LRRC36: variants seen among roughly 807,000 people sequenced by gnomAD.
LRRC36 encodes leucine-rich repeat-containing protein 36.
Under a neutral mutation model 81.1 loss-of-function variants are expected in LRRC36, and 62 were observed. The observed-to-expected ratio is 0.76, with a 90% CI of 0.62 to 0.94. LRRC36 has a LOEUF of 0.94. Ranked by LOEUF, LRRC36 falls within the 40% of genes least tolerant of loss-of-function variation. The pLI is 0.00. For synonymous variants in LRRC36, 334 were observed against 348.6 expected (o/e 0.96, Z 0.47); for missense variants, 761 against 881.7 (o/e 0.86, Z 1.73).
chr16:67,362,631 C>T (rs920648818), intron 5 of LRRC36, among the ~76,000 whole-genome samples: 1 of 152,072 alleles, frequency 6.6e-6, no homozygotes, highest in Non-Finnish European at 1.5e-5. Flanking sequence ...CAAGATAAAA[C>T]AAGAATCTCT....
intron 6 of LRRC36, chr16:67,365,072 T>C (rs1018890090): frequency 4.3e-6 from 2 of 462,600 alleles, no homozygotes; most frequent in African/African-American, 4.0e-5. Context: ...GTACAGTCAT[T>C]GTTTGCTATG....
intron 12 of LRRC36, among the ~76,000 whole-genome samples, chr16:67,381,389 T>C (rs1384908002): frequency 2.0e-5 from 3 of 152,174 alleles, no homozygotes; most frequent in Non-Finnish European, 4.4e-5. Flanking sequence ...TCTACAAGTA[T>C]TAATTGAGTT....
intron 13 of LRRC36, among the ~76,000 whole-genome samples, chr16:67,382,722 G>A (rs1390805968): frequency 2.0e-5 from 3 of 152,128 alleles, no homozygotes; most frequent in South Asian, 2.1e-4. Context: ...GGTGGCTCAC[G>A]CCTGTAATCC....
intron 5 of LRRC36, among the ~76,000 whole-genome samples, chr16:67,362,715 C>T (rs1057238891): frequency 3.3e-5 from 5 of 152,014 alleles, no homozygotes; most frequent in African/African-American, 1.2e-4. Context: ...AAGGATTTAG[C>T]ATTCTTCTCC....
At chr16:67,382,475 A>AT (rs2040149457) in intron 13 of LRRC36, among the ~76,000 whole-genome samples, 1 of 152,156 alleles carries the variant, frequency 6.6e-6, no homozygotes, top group African/African-American at 2.4e-5. Context: ...CAACACCTCG[A>AT]TAATTAGCTT....
At position 67,361,635 on chromosome 16, in the gene LRRC36, C is replaced by T. The variant is rs1166813766; in HGVS notation, c.578-1955C>T. Among the ~76,000 whole-genome samples, 4 of 152,096 alleles carry T rather than the reference C, an allele frequency of 2.6e-5. No homozygotes were observed. The East Asian group carries it at 5.8e-4, about 22-fold the overall frequency. On this transcript the variant is annotated intron_variant, in intron 5 of 13. Transcript: ENST00000329956. ...TCACCCAGGCTGGAGTGCAATGGTG[C>T]GATCTCAGCTCACAGCAACCTCTGC...
At chr16:67,380,066 C>G (rs2040054284) in intron 12 of LRRC36, among the ~76,000 whole-genome samples, 1 of 151,762 alleles carries the variant, frequency 6.6e-6, no homozygotes, top group East Asian at 1.9e-4. Context: ...AGGAAAAGAC[C>G]CTAGAATCAA....
At chr16:67,374,679 AGCCACCGGGCCTGGCCTGAAAATTTC>A in intron 9 of LRRC36, among the ~76,000 whole-genome samples, 1 of 151,988 alleles carries the variant, frequency 6.6e-6, no homozygotes, top group South Asian at 2.1e-4. Flanking sequence ...TACAGGCATG[AGCCACCGGGCCTGGCCTGAAAATTTC>A]TATTAAAAAT....
At chr16:67,373,730 A>G (rs2039762663) in intron 9 of LRRC36, among the ~76,000 whole-genome samples, 1 of 135,344 alleles carries the variant, frequency 7.4e-6, no homozygotes, top group African/African-American at 3.3e-5. Flanking sequence ...AAAAAAAAAA[A>G]AGCCAGGCAC....
chr16:67,331,649 T>G (rs1460911846), intron 1 of LRRC36, among the ~76,000 whole-genome samples: 1 of 152,194 alleles, frequency 6.6e-6, no homozygotes, highest in Non-Finnish European at 1.5e-5. Context: ...TATCCTAACT[T>G]TAGTTAATAG....
chr16:67,338,054 A>G (rs751443742), intron 1 of LRRC36, among the ~76,000 whole-genome samples: 1 of 151,910 alleles, frequency 6.6e-6, no homozygotes, highest in East Asian at 1.9e-4. Context: ...ATTGCAGTCC[A>G]GCCTGGGAAA....
At chr16:67,345,541 A>G (rs1175882096) in intron 2 of LRRC36, among the ~76,000 whole-genome samples, 2 of 152,106 alleles carry the variant, frequency 1.3e-5, no homozygotes, top group African/African-American at 4.8e-5. Context: ...AATCCACAAG[A>G]AAGAGAACTG....
At chr16:67,337,693 T>C (rs1443079969) in intron 1 of LRRC36, among the ~76,000 whole-genome samples, 1 of 152,162 alleles carries the variant, frequency 6.6e-6, no homozygotes, top group African/African-American at 2.4e-5. Flanking sequence ...CTGTCTTCTC[T>C]GTATTCAATT....
At chr16:67,332,330 A>G (rs1231269619) in intron 1 of LRRC36, among the ~76,000 whole-genome samples, 1 of 152,062 alleles carries the variant, frequency 6.6e-6, no homozygotes, top group Non-Finnish European at 1.5e-5. Context: ...GAGGAGGGCG[A>G]ATCACGAGGT....
intron 1 of LRRC36, among the ~76,000 whole-genome samples, chr16:67,327,880 T>C (rs1204228678): frequency 1.3e-5 from 2 of 152,136 alleles, no homozygotes; most frequent in Non-Finnish European, 2.9e-5. Context: ...CTGTTAGATT[T>C]AGCAACATGG....
chr16:67,329,864 G>A (rs903046177), intron 1 of LRRC36, among the ~76,000 whole-genome samples: 8 of 152,136 alleles, frequency 5.3e-5, no homozygotes, highest in Admixed American at 3.9e-4. Context: ...GTTGTAGTGA[G>A]CTGAGATCGC....
At chr16:67,338,608 A>G (rs1225855379) in intron 1 of LRRC36, among the ~76,000 whole-genome samples, 2 of 152,188 alleles carry the variant, frequency 1.3e-5, no homozygotes, top group Non-Finnish European at 2.9e-5. Context: ...ATCTATTGGT[A>G]TATCTTACAT....
chr16:67,339,925 C>G (rs1210686901), intron 1 of LRRC36, among the ~76,000 whole-genome samples: 1 of 151,952 alleles, frequency 6.6e-6, no homozygotes, highest in African/African-American at 2.4e-5. Context: ...GGTGGATCAC[C>G]TGAGGTCAGG....
In LRRC36 at chr16:67,346,854, T is replaced by C. The variant is rs1161820535; in HGVS notation, c.391+406T>C. 2.0e-5 allele frequency among the ~76,000 whole-genome samples: 3 copies of C among 152,060 alleles called. No individual in the cohort carries two copies. The East Asian group carries it at 5.8e-4, about 29-fold the overall frequency. On this transcript the variant is annotated intron_variant, in intron 3 of 13. Transcript: ENST00000329956. ...TTCAAATGAGCTGGTCTATATTTTC[T>C]TATTATTTTACTTTATTTTTTATTT...
Sources: gnomAD v4.1 joint callset for allele counts (sites outside exome capture counted in the v4.1 genomes callset) on GRCh38, gnomAD v4.1.1 for gene constraint, MANE v1.5 for transcripts, NCBI Gene and HGNC (gene_info 2026-07-23, HGNC 2026-07-21) for gene names.